Variants in FRRS1L observed in about 807,000 individuals in gnomAD.
FRRS1L encodes DOMON domain-containing protein FRRS1L.
A neutral mutation model predicts 28.6 loss-of-function variants in FRRS1L; 22 were observed. That is an observed-to-expected ratio of 0.77 (90% CI 0.55 to 1.10). The LOEUF is 1.10. Among genes scored for constraint, FRRS1L ranks in the 50% least tolerant of loss-of-function variants. The pLI is 0.00. For missense variants in FRRS1L, 380 were observed against 386.9 expected, an observed-to-expected ratio of 0.98 and a Z score of 0.15; for synonymous variants, 158 against 151.4, an observed-to-expected ratio of 1.04 and a Z score of -0.32.
At chr9:109,163,878 T>A (rs1042126722) in intron 1 of FRRS1L, among the ~76,000 whole-genome samples, 1 of 152,172 alleles carries the variant, frequency 6.6e-6, no homozygotes, top group Non-Finnish European at 1.5e-5. Flanking sequence ...CCCTCCTTCC[T>A]TCTCCACTGA....
At chr9:109,162,772 G>T (rs1288443599) in intron 1 of FRRS1L, among the ~76,000 whole-genome samples, 1 of 152,176 alleles carries the variant, frequency 6.6e-6, no homozygotes, top group East Asian at 1.9e-4. Context: ...CAAGGTAGAT[G>T]GGGGAAGGAT....
chr9:109,152,601 G>A (rs916591316), intron 1 of FRRS1L, among the ~76,000 whole-genome samples: 29 of 151,020 alleles, frequency 1.9e-4, no homozygotes, highest in African/African-American at 6.6e-4. Context: ...TCAGGAGATC[G>A]AGACCATCCT....
chr9:109,154,041 A>G (rs78365963), intron 1 of FRRS1L, among the ~76,000 whole-genome samples: 8,496 of 152,202 alleles, frequency 0.056, 375 homozygotes, highest in East Asian at 0.13. Flanking sequence ...TCCAATAAGC[A>G]AGTTCTCAGC....
chr9:109,158,309 T>C lies in FRRS1L; in HGVS notation c.239-8589A>G, dbSNP rs569094156. Among the ~76,000 whole-genome samples, 16 of 152,350 alleles carry C rather than the reference T, an allele frequency of 1.1e-4. No homozygotes were observed. In the South Asian group the frequency reaches 1.2e-3, roughly 12 times the overall value. Reference sequence around the variant, plus strand: ...TAAAACTGTTCCTTGTATTTCTTATTAGCTTATCTGCTTTCATTTTTAGTA... The same window carrying C: ...TAAAACTGTTCCTTGTATTTCTTATCAGCTTATCTGCTTTCATTTTTAGTA... On this transcript the variant is annotated intron_variant, in intron 1 of 4. Coordinates refer to ENST00000561981, the MANE Select transcript of FRRS1L (RefSeq NM_014334.4).
At chr9:109,139,576 C>G (rs1338736909) in intron 4 of FRRS1L, 2 of 152,046 alleles carry the variant, frequency 1.3e-5, no homozygotes, top group African/African-American at 2.4e-5. Context: ...ATACAGCTAC[C>G]AAGGGGCAGA....
chr9:109,163,887 G>C (rs1831510281), intron 1 of FRRS1L, among the ~76,000 whole-genome samples: 1 of 152,120 alleles, frequency 6.6e-6, no homozygotes, highest in Admixed American at 6.5e-5. Flanking sequence ...CTTCTCCACT[G>C]AATCTGTCCT....
chr9:109,164,396 ATTTTTT>A (rs61154383), intron 1 of FRRS1L, among the ~76,000 whole-genome samples: 1 of 134,742 alleles, frequency 7.4e-6, no homozygotes, highest in Non-Finnish European at 1.6e-5. Flanking sequence ...GAGCAGGTTG[ATTTTTT>A]TTTTTTTTTT....
At chr9:109,139,194 G>C (rs939723539) in intron 4 of FRRS1L, 3 of 150,076 alleles carry the variant, frequency 2.0e-5, no homozygotes, top group African/African-American at 7.3e-5. Context: ...GTGAGACTCC[G>C]TTTAAAAAAA....
chr9:109,157,609 C>T (rs1831428056), intron 1 of FRRS1L, among the ~76,000 whole-genome samples: 1 of 152,100 alleles, frequency 6.6e-6, no homozygotes, highest in Admixed American at 6.5e-5. Flanking sequence ...AACTCCTGGT[C>T]TCAAAGCTAT....
rs576359192 is a variant in FRRS1L, at chr9:109,130,570, C to T, written c.*6885G>A. The T allele has an allele frequency of 6.6e-6, 1 of 152,120 alleles. No individual in the cohort carries two copies. The highest frequency in any genetic ancestry group is 2.4e-5 in the African/African-American group (1 of 41,424). 9.4% of individuals were successfully genotyped at this position (152,120 alleles called of 1,614,324 possible). A position where few individuals can be genotyped will look rare whatever the true frequency, so the allele number is the denominator to read the frequency against. On this transcript the variant is annotated 3_prime_UTR_variant, in exon 5 of 5. Coordinates refer to ENST00000561981, the MANE Select transcript of FRRS1L (RefSeq NM_014334.4). ...TACATAAGATAGGCTTATAAATATA[C>T]ATAAATCTCAAAATTAATCACAAAC... is the stretch of plus-strand genomic sequence containing the variant.
intron 1 of FRRS1L, among the ~76,000 whole-genome samples, chr9:109,162,107 G>C (rs1831487434): frequency 6.6e-6 from 1 of 152,212 alleles, no homozygotes; most frequent in African/African-American, 2.4e-5. Flanking sequence ...CTTGAGGTCA[G>C]GAGTTCAAGA....
At chr9:109,160,364 C>G (rs992626396) in intron 1 of FRRS1L, among the ~76,000 whole-genome samples, 2 of 152,186 alleles carry the variant, frequency 1.3e-5, no homozygotes, top group African/African-American at 4.8e-5. Flanking sequence ...AAGTTTCTCC[C>G]TTTCCCCAAC....
intron 3 of FRRS1L, 106 bp downstream of exon 3, chr9:109,146,945 T>A: frequency 9.7e-7 from 1 of 1,031,260 alleles, no homozygotes. Flanking sequence ...GAGCCATAAC[T>A]AATTTGATCA....
At chr9:109,152,662 G>A (rs1189361552) in intron 1 of FRRS1L, among the ~76,000 whole-genome samples, 1 of 150,834 alleles carries the variant, frequency 6.6e-6, no homozygotes, top group South Asian at 2.1e-4. Context: ...AAATTAGCTG[G>A]GCGTGGTGGT....
At chr9:109,156,258 T>C (rs995169847) in intron 1 of FRRS1L, among the ~76,000 whole-genome samples, 9 of 152,266 alleles carry the variant, frequency 5.9e-5, no homozygotes, top group African/African-American at 2.2e-4. Context: ...GTGTATCTTA[T>C]GAGAGTTTTC....
At position 109,167,008 on chromosome 9, in the gene FRRS1L, C is replaced by A. The variant is rs1486045359; in HGVS notation, c.131G>T (p.Gly44Val). ...GGCGCCCGTGTCCCCCCGCGCGCGT[C>A]CCCGGGGTCCCCGGCCCCCCGGGCC... ...GAGPGGRGPRGRARGDTGADE... is the reference protein window; with the variant it reads ...GAGPGGRGPRVRARGDTGADE... The change falls in exon 1 of 5, where the codon GGA becomes GTA. Residue 44 changes from glycine (G) to valine (V), a missense_variant. Transcript: ENST00000561981. 1.6e-5 allele frequency: 20 copies of A among 1,230,648 alleles called. No individual in the cohort carries two copies. In the East Asian group the frequency reaches 6.3e-4, roughly 38 times the overall value. 76.2% of individuals were successfully genotyped at this position (1,230,648 alleles called of 1,614,324 possible).
chr9:109,144,600 A>T (rs1387254174), intron 3 of FRRS1L, among the ~76,000 whole-genome samples: 1 of 149,958 alleles, frequency 6.7e-6, no homozygotes, highest in South Asian at 2.1e-4. Context: ...CCCGACCTCA[A>T]GCAATCCACC....
At chr9:109,157,675 A>G (rs1831428613) in intron 1 of FRRS1L, among the ~76,000 whole-genome samples, 2 of 152,204 alleles carry the variant, frequency 1.3e-5, no homozygotes, top group Non-Finnish European at 1.5e-5. Context: ...TGATTTTTCA[A>G]TACCAAGGGT....
At chr9:109,151,122 C>G (rs1831325402) in intron 1 of FRRS1L, 1 of 152,204 alleles carries the variant, frequency 6.6e-6, no homozygotes, top group Non-Finnish European at 1.5e-5. Flanking sequence ...TCCATTTTTA[C>G]TATCCTGGAC....
Sources: gnomAD v4.1 joint callset for allele counts (sites outside exome capture counted in the v4.1 genomes callset) on GRCh38, gnomAD v4.1.1 for gene constraint, MANE v1.5 for transcripts, NCBI Gene and HGNC (gene_info 2026-07-23, HGNC 2026-07-21) for gene names.